TNIP3: variants seen among roughly 807,000 people sequenced by gnomAD.
The protein encoded by TNIP3 is TNFAIP3 interacting protein 3.
Under a neutral mutation model 54.1 loss-of-function variants are expected in TNIP3, and 34 were observed. The ratio of observed to expected loss-of-function variants is 0.63; its 90% CI spans 0.48 to 0.84. TNIP3 has a LOEUF of 0.84. Among genes scored for constraint, TNIP3 ranks in the 40% least tolerant of loss-of-function variants. The pLI, the probability that TNIP3 is intolerant of heterozygous loss-of-function variation, is 0.00. For missense variants in TNIP3, 366 were observed against 387.6 expected, an observed-to-expected ratio of 0.94 and a Z score of 0.47; for synonymous variants, 134 against 136.8, an observed-to-expected ratio of 0.98 and a Z score of 0.14.
intron 2 of TNIP3, among the ~76,000 whole-genome samples, chr4:121,203,954 T>A (rs955972108): frequency 1.1e-4 from 17 of 148,568 alleles, no homozygotes; most frequent in African/African-American, 3.4e-4. Flanking sequence ...CTTTTTAAAA[T>A]ATATATATAT....
chr4:121,172,089 C>T (rs968146946), intron 3 of TNIP3, among the ~76,000 whole-genome samples: 1 of 152,172 alleles, frequency 6.6e-6, no homozygotes, highest in Non-Finnish European at 1.5e-5. Context: ...TTACATTGAA[C>T]ATCAAAGAGC....
chr4:121,186,682 C>A (rs750572025), intron 2 of TNIP3, among the ~76,000 whole-genome samples: 2 of 151,922 alleles, frequency 1.3e-5, no homozygotes, highest in South Asian at 2.1e-4. Flanking sequence ...GCTCAGTGAT[C>A]GATACTATTG....
chr4:121,151,965 G>T (rs1160760967), intron 5 of TNIP3, among the ~76,000 whole-genome samples: 1 of 152,116 alleles, frequency 6.6e-6, no homozygotes, highest in Non-Finnish European at 1.5e-5. Flanking sequence ...AGTAGCCTTA[G>T]GTAATTGTTT....
chr4:121,170,848 C>T (rs967955549), intron 3 of TNIP3, among the ~76,000 whole-genome samples: 1 of 151,922 alleles, frequency 6.6e-6, no homozygotes, highest in African/African-American at 2.4e-5. Flanking sequence ...AGGAATCTTG[C>T]TCTGTCGCTC....
At chr4:121,197,531 CAAAAAAAAAAA>C (rs531127977) in intron 2 of TNIP3, among the ~76,000 whole-genome samples, 2 of 64,260 alleles carry the variant, frequency 3.1e-5, no homozygotes, top group African/African-American at 9.6e-5. Flanking sequence ...GACTCTGTCT[CAAAAAAAAAAA>C]AAAAAAAGAA....
At chr4:121,159,573 C>T (rs768497405) in intron 2 of TNIP3, among the ~76,000 whole-genome samples, 15 of 152,136 alleles carry the variant, frequency 9.9e-5, no homozygotes, top group Non-Finnish European at 1.2e-4. Context: ...TAACTGATCA[C>T]GATTTTCTTG....
chr4:121,204,891 C>G (rs1026986132), intron 2 of TNIP3, among the ~76,000 whole-genome samples: 1 of 152,132 alleles, frequency 6.6e-6, no homozygotes, highest in Non-Finnish European at 1.5e-5. Context: ...TATTTGCCAA[C>G]CAAAGAATTC....
At chr4:121,193,447 A>G (rs534842268) in intron 2 of TNIP3, among the ~76,000 whole-genome samples, 15 of 152,322 alleles carry the variant, frequency 9.8e-5, no homozygotes, top group African/African-American at 3.6e-4. Flanking sequence ...ACTGATGCAA[A>G]TGTTAAAATA....
chr4:121,190,466 A>C (rs183275780), intron 2 of TNIP3, among the ~76,000 whole-genome samples: 42 of 152,318 alleles, frequency 2.8e-4, no homozygotes, highest in Admixed American at 2.5e-3. Flanking sequence ...GTCCTGTGCA[A>C]GTTGGTCCCC....
intron 2 of TNIP3, chr4:121,182,863 G>C: frequency 1.6e-5 from 23 of 1,467,210 alleles, no homozygotes; most frequent in Non-Finnish European, 1.9e-5. Context: ...GGCGTAGAGT[G>C]AGTTTATGGA....
chr4:121,178,244 C>T (rs748141220), intron 3 of TNIP3, among the ~76,000 whole-genome samples: 6 of 152,130 alleles, frequency 3.9e-5, no homozygotes, highest in Non-Finnish European at 5.9e-5. Flanking sequence ...CATTGAACTC[C>T]AGTTTCCCCA....
At chr4:121,141,288 C>T (rs897438740) in intron 9 of TNIP3, among the ~76,000 whole-genome samples, 3 of 152,206 alleles carry the variant, frequency 2.0e-5, no homozygotes, top group African/African-American at 7.2e-5. Context: ...AATTGCTCAA[C>T]TCTGCATTTC....
intron 1 of TNIP3, chr4:121,216,560 T>C: frequency 6.5e-7 from 1 of 1,527,294 alleles, no homozygotes; most frequent in Non-Finnish European, 8.7e-7. Flanking sequence ...AAGTTAACTA[T>C]GTCAGTCACC....
chr4:121,187,311 C>A (rs1400776597), intron 2 of TNIP3, among the ~76,000 whole-genome samples: 3 of 152,218 alleles, frequency 2.0e-5, no homozygotes, highest in Non-Finnish European at 4.4e-5. Context: ...TTCCAAGAAT[C>A]TGCTCAACTG....
Position 121,210,239 on chromosome 4 carries a change from A to G in TNIP3, c.68+6176T>C, listed in dbSNP as rs531475486. Reference sequence around the variant, plus strand: ...TAATGAATTATAATTTATAATAAAGAAAGGAAAAATTACTATTACATAGAG... The same window carrying G: ...TAATGAATTATAATTTATAATAAAGGAAGGAAAAATTACTATTACATAGAG... On this transcript the variant is annotated intron_variant, in intron 2 of 12. Coordinates refer to the TNIP3 transcript ENST00000507879. 4.3e-5 allele frequency among the ~76,000 whole-genome samples: 6 copies of G among 140,036 alleles called. No individual in the cohort carries two copies. In the East Asian group the frequency reaches 9.6e-4, roughly 22 times the overall value. 91.9% of individuals were successfully genotyped at this position (140,036 alleles called of 152,430 possible). A position where few individuals can be genotyped will look rare whatever the true frequency, so the allele number is the denominator to read the frequency against.
At chr4:121,143,005 G>A (rs1729212403) in intron 7 of TNIP3, among the ~76,000 whole-genome samples, 1 of 152,130 alleles carries the variant, frequency 6.6e-6, no homozygotes, top group South Asian at 2.1e-4. Flanking sequence ...TTACAATTCT[G>A]TTTTAGGTAG....
chr4:121,161,017 A>G, intron 2 of TNIP3, 119 bp downstream of exon 2: 1 of 781,364 alleles, frequency 1.3e-6, no homozygotes, highest in South Asian at 1.6e-5. Context: ...GCAGTCCAGT[A>G]TCTTAAAGAT....
intron 3 of TNIP3, among the ~76,000 whole-genome samples, chr4:121,157,581 C>T: frequency 6.6e-6 from 1 of 152,178 alleles, no homozygotes; most frequent in Non-Finnish European, 1.5e-5. Context: ...GTGAGCCTAG[C>T]CTGGTCTGGA....
chr4:121,198,285 G>A (rs1000722987), intron 2 of TNIP3, among the ~76,000 whole-genome samples: 2 of 152,066 alleles, frequency 1.3e-5, no homozygotes, highest in African/African-American at 4.8e-5. Context: ...CTGAAAAGTA[G>A]CACATGACCT....
Sources: gnomAD v4.1 joint callset for allele counts (sites outside exome capture counted in the v4.1 genomes callset) on GRCh38, gnomAD v4.1.1 for gene constraint, MANE v1.5 for transcripts, NCBI Gene and HGNC (gene_info 2026-07-23, HGNC 2026-07-21) for gene names.